HUWE1: variants seen among roughly 807,000 people sequenced by gnomAD.
HUWE1 encodes the protein HECT, UBA and WWE domain containing E3 ubiquitin protein ligase 1, also known as E3 ubiquitin-protein ligase HUWE1.
Under a neutral mutation model 299.4 loss-of-function variants are expected in HUWE1, and 18 were observed. The observed-to-expected ratio is 0.06, with a 90% confidence interval of 0.04 to 0.09. The LOEUF (loss-of-function observed/expected upper bound fraction) is 0.09. Among genes scored for constraint, HUWE1 ranks in the 10% least tolerant of loss-of-function variants. HUWE1 has a pLI of 1.00. For synonymous variants in HUWE1, 1,317 were observed against 1,286.1 expected (o/e 1.02, Z -0.51); for missense variants, 1,832 against 3,462.3 (o/e 0.53, Z 11.82).
At chrX:53,611,210 G>T (rs200435147) in intron 23 of HUWE1, among the ~76,000 whole-genome samples, 1 of 68,559 alleles carries the variant, frequency 1.5e-5, no homozygotes, top group Non-Finnish European at 2.9e-5. Flanking sequence ...AAAAAAAAAA[G>T]AAAGGGTAGT....
chrX:53,548,136 T>C lies in HUWE1; in HGVS notation c.10173A>G (p.Leu3391=). 2.5e-6 allele frequency: 3 copies of C among 1,208,261 alleles called. No homozygotes were observed. The highest frequency in any genetic ancestry group is 3.4e-6 in the Non-Finnish European group (3 of 893,544). The part of the protein sequence containing the change: ...SSGICTDFWD[L]LVKLDNMNVS... ...CATTCATGTTGTCCAGTTTTACCAA[T>C]AAGTCCCAGAAGTCTGTGCAAATGC... Residue 3391 remains leucine (L), a synonymous_variant, in exon 68 of 84, where the codon TTA becomes TTG. Transcript: ENST00000262854.
chrX:53,537,801 A>T (rs782600712), intron 77 of HUWE1, 105 bp from the exon 78 acceptor site: 265 of 840,186 alleles, frequency 3.2e-4, no homozygotes, highest in African/African-American at 2.3e-3. Flanking sequence ...TATCCTCCAA[A>T]CACTTTGATC....
rs1480662904 is a variant in HUWE1, at chrX:53,551,202, A to C, written c.9097-13T>G. 2.5e-6 allele frequency: 3 copies of C among 1,211,609 alleles called. No homozygotes were observed. In the Admixed American group the frequency reaches 6.5e-5, roughly 26 times the overall value. On this transcript the variant is annotated splice_polypyrimidine_tract_variant and intron_variant, in intron 64 of 83. Transcript: ENST00000262854. ...GCTGTGCCAGTACCTATGGAGCAGA[A>C]AAAGTCAATGAGGGCATTTCTCCTG...
At chrX:53,570,549 C>A (rs1055491529) in intron 47 of HUWE1, among the ~76,000 whole-genome samples, 1 of 112,118 alleles carries the variant, frequency 8.9e-6, no homozygotes, top group African/African-American at 3.2e-5. Context: ...CTGGTAAGAG[C>A]TGAGCAAGAG....
chrX:53,661,689 A>G (rs782595262), intron 3 of HUWE1, among the ~76,000 whole-genome samples: 1 of 112,709 alleles, frequency 8.9e-6, no homozygotes, highest in South Asian at 3.6e-4. Context: ...ATATATAATA[A>G]ACATTGCTTC....
intron 2 of HUWE1, among the ~76,000 whole-genome samples, chrX:53,685,475 GTTTT>G (rs1410994399): frequency 1.8e-5 from 2 of 111,903 alleles, no homozygotes; most frequent in Admixed American, 9.5e-5. Context: ...TTGCGAACAG[GTTTT>G]TTATTATTAA....
At chrX:53,650,454 G>A in intron 4 of HUWE1, among the ~76,000 whole-genome samples, 1 of 112,243 alleles carries the variant, frequency 8.9e-6, no homozygotes, top group Non-Finnish European at 1.9e-5. Context: ...GTGTGCTTGT[G>A]TTTTCTGCTC....
intron 43 of HUWE1, 122 bp from the exon 44 acceptor site, chrX:53,577,189 A>G: frequency 1.8e-6 from 1 of 550,146 alleles, no homozygotes; most frequent in Non-Finnish European, 3.2e-6. Context: ...GACCATTTTC[A>G]ATTAATGTTC....
At chrX:53,615,721 G>A (rs782160518) in intron 22 of HUWE1, 23 bp downstream of exon 22, 4 of 1,149,532 alleles carry the variant, frequency 3.5e-6, no homozygotes, top group Admixed American at 4.4e-5. Flanking sequence ...CATGCTCATG[G>A]TCACATCCTT....
At chrX:53,534,736 C>T in intron 81 of HUWE1, 39 bp from the exon 82 acceptor site, 1 of 1,158,699 alleles carries the variant, frequency 8.6e-7, no homozygotes, top group Non-Finnish European at 1.2e-6. Context: ...CTTCTAAACT[C>T]ACACAACCGT....
chrX:53,678,112 C>T (rs782113072), intron 3 of HUWE1, among the ~76,000 whole-genome samples: 1 of 112,236 alleles, frequency 8.9e-6, no homozygotes, highest in East Asian at 2.8e-4. Context: ...TTCCAACTTT[C>T]TGTAAAATCA....
chrX:53,560,877 CA>C (rs1244375080), intron 55 of HUWE1, among the ~76,000 whole-genome samples: 1 of 111,617 alleles, frequency 9.0e-6, no homozygotes, highest in African/African-American at 3.3e-5. Flanking sequence ...CCTAATAAAC[CA>C]CTCCTATGAG....
intron 17 of HUWE1, 103 bp downstream of exon 17, chrX:53,627,307 A>G: frequency 1.9e-6 from 1 of 531,137 alleles, no homozygotes; most frequent in East Asian, 3.6e-5. Context: ...GTATATACTC[A>G]AGTTAATTGT....
intron 44 of HUWE1, among the ~76,000 whole-genome samples, chrX:53,576,134 G>A (rs143124448): frequency 8.5e-4 from 95 of 111,865 alleles, no homozygotes; most frequent in Non-Finnish European, 1.6e-3. Flanking sequence ...AAGATTCTGG[G>A]GTGATAGGAG....
chrX:53,602,686 G>A (rs781996711), intron 27 of HUWE1, 28 bp from the exon 28 acceptor site: 1 of 748,408 alleles, frequency 1.3e-6, no homozygotes, highest in African/African-American at 2.1e-5. Flanking sequence ...CTGAGCAAAA[G>A]AAATATATAT....
rs150660551 is a variant in HUWE1, at chrX:53,550,668, G to A, written c.9486C>T (p.Asn3162=). Residue 3162 remains asparagine, a splice_region_variant and synonymous_variant, in exon 66 of 84, where the codon AAC becomes AAT. Coordinates refer to ENST00000262854, the MANE Select transcript of HUWE1 (RefSeq NM_031407.7). ...TFQMGGSSSH[N]RPSGSNVDTL... ...AAGGTAAAAATAGACAAAGGTACCT[G>A]TTATGGCTGCTGCTACCCCCCATCT... 18 of 1,204,877 alleles carry A rather than the reference G, an allele frequency of 1.5e-5. No individual in the cohort carries two copies. The African/African-American group carries it at 2.8e-4, about 19-fold the overall frequency.
rs182910513 is a variant in HUWE1, at chrX:53,586,481, A to G, written c.4824+9T>C. 4 of 1,173,847 alleles carry G rather than the reference A, an allele frequency of 3.4e-6. No homozygotes were observed. The highest frequency in any genetic ancestry group is 6.0e-5 in the East Asian group (2 of 33,607). ...ACCGTCCTGCAGTCATACATACTAC[A>G]TTACACACCTTAGTCATCTGGGCTC... On this transcript the variant is annotated intron_variant, in intron 39 of 83. Transcript: ENST00000262854.
chrX:53,589,341 G>A (rs1314746435), intron 36 of HUWE1, among the ~76,000 whole-genome samples: 4 of 112,024 alleles, frequency 3.6e-5, no homozygotes, highest in Non-Finnish European at 7.5e-5. Flanking sequence ...GAAAAGGAGA[G>A]CTTTGTTTTT....
At chrX:53,594,762 C>T in intron 30 of HUWE1, 141 bp from the exon 31 acceptor site, 1 of 591,062 alleles carries the variant, frequency 1.7e-6, no homozygotes, top group South Asian at 2.7e-5. Context: ...GGATGAGTAT[C>T]CCTATCAGAA....
Sources: gnomAD v4.1 joint callset for allele counts (sites outside exome capture counted in the v4.1 genomes callset) on GRCh38, gnomAD v4.1.1 for gene constraint, MANE v1.5 for transcripts, NCBI Gene and HGNC (gene_info 2026-07-23, HGNC 2026-07-21) for gene names.